The following STARD3NL variants were observed in gnomAD, a reference collection of about 807,000 sequenced individuals.
STARD3NL encodes the protein STARD3 N-terminal like, also known as STARD3 N-terminal-like protein.
STARD3NL carries 17 observed loss-of-function variants against 30.9 expected under a neutral mutation model. That is an observed-to-expected ratio of 0.55 (90% CI 0.38 to 0.82). The LOEUF is 0.82. Ranked by LOEUF, STARD3NL falls within the 40% of genes least tolerant of loss-of-function variation. The pLI is 0.00. For synonymous variants in STARD3NL, 112 were observed against 100.5 expected (o/e 1.11, Z -0.69); for missense variants, 234 against 277.6 (o/e 0.84, Z 1.12).
rs1489180898 is a variant in STARD3NL at position 38,178,298 on chromosome 7, G to C, written c.-181G>C. 1.3e-5 allele frequency: 2 copies of C among 152,200 alleles called. No individual in the cohort carries two copies. Among genetic ancestry groups the C allele is most frequent in the Admixed American group, 6.5e-5 (1 of 15,288 alleles). 9.4% of individuals were successfully genotyped at this position (152,200 alleles called of 1,614,324 possible). ...GCTGGGTGCGGGCGGTGGGCTGCGCGTTGTCCGCTGGACTGGGTCCCGGTC... is the reference window on the plus strand; with the variant it reads ...GCTGGGTGCGGGCGGTGGGCTGCGCCTTGTCCGCTGGACTGGGTCCCGGTC... On this transcript the variant is annotated 5_prime_UTR_variant, in exon 1 of 9. Transcript: ENST00000009041.
At chr7:38,216,143 C>CA (rs1317841349) in intron 4 of STARD3NL, 2 of 152,126 alleles carry the variant, frequency 1.3e-5, no homozygotes, top group Non-Finnish European at 2.9e-5. Flanking sequence ...CCTGAGTCCC[C>CA]ATATGTATGC....
At chr7:38,221,321 G>A (rs1316227676) in intron 7 of STARD3NL, among the ~76,000 whole-genome samples, 3 of 152,044 alleles carry the variant, frequency 2.0e-5, no homozygotes, top group Admixed American at 6.6e-5. Context: ...CTTATCTTCT[G>A]AGATACAGAT....
chr7:38,205,674 A>G (rs1373584706), intron 1 of STARD3NL, among the ~76,000 whole-genome samples: 1 of 152,166 alleles, frequency 6.6e-6, no homozygotes, highest in Non-Finnish European at 1.5e-5. Flanking sequence ...TATATACTAT[A>G]TAGCATTTTG....
Position 38,213,665 on chromosome 7 carries a change from T to G in STARD3NL, c.226-692T>G, listed in dbSNP as rs186028989. ...CGACACATGTCCCCTTACTTGATTT[T>G]TTAAAAGTATTATGCTCCATAGTTT... On this transcript the variant is annotated intron_variant, in intron 2 of 8. Coordinates refer to ENST00000009041, the MANE Select transcript of STARD3NL (RefSeq NM_032016.4). Among the ~76,000 whole-genome samples the G allele has an allele frequency of 2.5e-3, 378 of 152,342 alleles. 1 individual carries two copies. Among genetic ancestry groups the G allele is most frequent in the Non-Finnish European group, 3.4e-3 (228 of 68,038 alleles).
chr7:38,197,690 A>C (rs9986766), intron 1 of STARD3NL, among the ~76,000 whole-genome samples: 34,405 of 152,166 alleles, frequency 0.23, 3,928 homozygotes, highest in Middle Eastern at 0.25. Flanking sequence ...CTCATGTCAC[A>C]TGGGTGCCTT....
chr7:38,209,693 A>C (rs941554733), intron 2 of STARD3NL, among the ~76,000 whole-genome samples: 2 of 152,194 alleles, frequency 1.3e-5, no homozygotes, highest in African/African-American at 4.8e-5. Flanking sequence ...GGCTGCTTAT[A>C]TCACTGTATG....
In STARD3NL at chr7:38,228,836, A is replaced by G. The variant is rs1235372115; in HGVS notation, c.687A>G (p.Lys229=). 42 of 1,612,818 alleles carry G rather than the reference A, an allele frequency of 2.6e-5. No individual in the cohort carries two copies. Among genetic ancestry groups the G allele is most frequent in the Non-Finnish European group, 3.4e-5 (40 of 1,179,378 alleles). ...EEAEEKQDSE[K]PLLEL Reference sequence around the variant, plus strand: ...CTGAAGAAAAACAGGACAGTGAGAAACCACTTTTAGAACTATGAGTACTAC... The same window carrying G: ...CTGAAGAAAAACAGGACAGTGAGAAGCCACTTTTAGAACTATGAGTACTAC... The change falls in exon 8 of 9, where the codon AAA becomes AAG. Residue 229 remains lysine, a synonymous_variant. Transcript: ENST00000009041.
At chr7:38,188,073 C>G (rs551406193) in intron 1 of STARD3NL, among the ~76,000 whole-genome samples, 1 of 152,182 alleles carries the variant, frequency 6.6e-6, no homozygotes, top group Non-Finnish European at 1.5e-5. Flanking sequence ...CTGGTTTCCC[C>G]ACTTCTTTGC....
At chr7:38,215,456 T>C (rs1437442037) in intron 4 of STARD3NL, 2 of 261,148 alleles carry the variant, frequency 7.7e-6, no homozygotes, top group Non-Finnish European at 1.5e-5. Context: ...TGGTTGAAAC[T>C]GCTTAGTGAT....
At chr7:38,179,746 A>G (rs1784171055) in intron 1 of STARD3NL, among the ~76,000 whole-genome samples, 1 of 152,212 alleles carries the variant, frequency 6.6e-6, no homozygotes, top group Non-Finnish European at 1.5e-5. Context: ...CTGGGTAGAG[A>G]GTTTGAGAGT....
chr7:38,193,367 C>T (rs1338701366), intron 1 of STARD3NL, among the ~76,000 whole-genome samples: 10 of 152,020 alleles, frequency 6.6e-5, no homozygotes, highest in Admixed American at 2.0e-4. Flanking sequence ...GGTGCGATCT[C>T]GGCTCACTAC....
intron 1 of STARD3NL, among the ~76,000 whole-genome samples, chr7:38,205,540 A>T (rs894100143): frequency 3.3e-5 from 5 of 152,170 alleles, no homozygotes; most frequent in Admixed American, 6.5e-5. Context: ...TGATTTATCT[A>T]ATTATTCTAA....
At position 38,217,165 on chromosome 7, in the gene STARD3NL, C is replaced by T. The variant is rs373926674; in HGVS notation, c.436-23C>T. 8 of 1,613,690 alleles carry T rather than the reference C, an allele frequency of 5.0e-6. No homozygotes were observed. In the African/African-American group the frequency reaches 9.4e-5, roughly 19 times the overall value. On this transcript the variant is annotated intron_variant, in intron 5 of 8. Coordinates refer to ENST00000009041, the MANE Select transcript of STARD3NL (RefSeq NM_032016.4). ...TGTGAGTTTGTGGTAACTGCATTTC[C>T]CTTTCCTGGTCGTATTTTCCAGCTT...
intron 1 of STARD3NL, among the ~76,000 whole-genome samples, chr7:38,200,811 G>A (rs138514728): frequency 9.2e-4 from 140 of 152,250 alleles, no homozygotes; most frequent in African/African-American, 3.2e-3. Context: ...AGTAGAGCCT[G>A]TCAACTTTGT....
chr7:38,184,812 G>A (rs1784394975), intron 1 of STARD3NL, among the ~76,000 whole-genome samples: 1 of 143,114 alleles, frequency 7.0e-6, no homozygotes, highest in South Asian at 2.2e-4. Context: ...TTATGACTAT[G>A]GAAATACATA....
intron 7 of STARD3NL, among the ~76,000 whole-genome samples, chr7:38,221,670 T>C (rs1562625269): frequency 6.6e-6 from 1 of 152,218 alleles, no homozygotes; most frequent in African/African-American, 2.4e-5. Context: ...AAATATAGAC[T>C]TGGTCATGCC....
intron 1 of STARD3NL, among the ~76,000 whole-genome samples, chr7:38,186,909 TG>T (rs1239801025): frequency 4.6e-5 from 7 of 152,088 alleles, no homozygotes; most frequent in Non-Finnish European, 8.8e-5. Context: ...AAAATCAATT[TG>T]AATGCCAGGA....
At chr7:38,207,405 CA>C in intron 1 of STARD3NL, 41 bp from the exon 2 acceptor site, 2 of 924,070 alleles carry the variant, frequency 2.2e-6, no homozygotes, top group Non-Finnish European at 3.2e-6. Context: ...TATATTTGAT[CA>C]GCTTGGATTT....
chr7:38,221,622 A>G (rs572258618), intron 7 of STARD3NL, among the ~76,000 whole-genome samples: 37 of 152,350 alleles, frequency 2.4e-4, no homozygotes, highest in South Asian at 4.1e-4. Flanking sequence ...GTTCATGCTT[A>G]TAACTGCTAA....
Sources: gnomAD v4.1 joint callset for allele counts (sites outside exome capture counted in the v4.1 genomes callset) on GRCh38, gnomAD v4.1.1 for gene constraint, MANE v1.5 for transcripts, NCBI Gene and HGNC (gene_info 2026-07-23, HGNC 2026-07-21) for gene names.